RTTN: variants seen among roughly 807,000 people sequenced by gnomAD.
RTTN encodes rotatin.
RTTN carries 182 observed loss-of-function variants against 269.2 expected under a neutral mutation model. The ratio of observed to expected loss-of-function variants is 0.68; its 90% CI spans 0.60 to 0.76. RTTN has a LOEUF of 0.76. Ranked by LOEUF, RTTN falls within the 30% of genes least tolerant of loss-of-function variation. The probability of loss-of-function intolerance (pLI) is 0.00; values close to 1 mark genes in which losing one functional copy is unlikely to be tolerated. For synonymous variants in RTTN, 1,006 were observed against 963.5 expected (o/e 1.04, Z -0.82); for missense variants, 2,545 against 2,608.6 (o/e 0.98, Z 0.53).
intron 34 of RTTN, among the ~76,000 whole-genome samples, chr18:70,072,529 CA>C (rs1277593828): frequency 1.3e-5 from 2 of 151,920 alleles, no homozygotes; most frequent in African/African-American, 2.4e-5. Context: ...TAGAGAAATT[CA>C]AAAGGTTGAT....
intron 45 of RTTN, among the ~76,000 whole-genome samples, chr18:70,020,239 C>G (rs2056662732): frequency 6.6e-6 from 1 of 152,106 alleles, no homozygotes; most frequent in South Asian, 2.1e-4. Context: ...ACCATTTTGT[C>G]AATGAAATTA....
Position 70,204,257 on chromosome 18 carries a change from G to A in RTTN, c.226C>T (p.Pro76Ser). The A allele has an allele frequency of 1.2e-6, 2 of 1,603,994 alleles. No individual in the cohort carries two copies. The highest frequency in any genetic ancestry group is 2.3e-5 in the South Asian group (2 of 88,444). Residue 76 changes from proline to serine, a missense_variant, in exon 3 of 49, where the codon CCA (proline) becomes TCA (serine). By Grantham distance (74) the Pro-to-Ser change is moderately conservative (BLOSUM62 -1). Coordinates refer to ENST00000640769, the MANE Select transcript of RTTN (RefSeq NM_173630.4). ...NLLSRLVKYPPAVQHLVDVGA... is the reference protein window; with the variant it reads ...NLLSRLVKYPSAVQHLVDVGA... ...ACGTCAACCAAATGTTGGACTGCTG[G>A]GGGATACTAAAATAAGAAGAGGATG...
chr18:70,109,952 C>T (rs561916565), intron 27 of RTTN, among the ~76,000 whole-genome samples: 2 of 152,264 alleles, frequency 1.3e-5, no homozygotes, highest in East Asian at 1.9e-4. Context: ...GGGGCTGTGG[C>T]TCACCCCTAT....
intron 40 of RTTN, among the ~76,000 whole-genome samples, chr18:70,041,999 G>C (rs1168311503): frequency 6.6e-6 from 1 of 152,038 alleles, no homozygotes; most frequent in Non-Finnish European, 1.5e-5. Context: ...AATCTGCTTT[G>C]AGTTTCCCAG....
chr18:70,070,473 G>T (rs1568330458), intron 34 of RTTN, among the ~76,000 whole-genome samples: 1 of 152,098 alleles, frequency 6.6e-6, no homozygotes, highest in Non-Finnish European at 1.5e-5. Flanking sequence ...AAGCCTCTTG[G>T]ATCCATCCCT....
chr18:70,062,392 T>G (rs2058013802), intron 35 of RTTN, among the ~76,000 whole-genome samples: 1 of 151,632 alleles, frequency 6.6e-6, no homozygotes. Flanking sequence ...CTCCCACCCA[T>G]TCTCATAATT....
chr18:70,168,422 A>G (rs1568499914), intron 12 of RTTN, among the ~76,000 whole-genome samples: 1 of 152,326 alleles, frequency 6.6e-6, no homozygotes, highest in East Asian at 1.9e-4. Flanking sequence ...TACTTAATAT[A>G]TTTCAAAAAT....
intron 35 of RTTN, among the ~76,000 whole-genome samples, chr18:70,065,593 G>A (rs1031208809): frequency 2.6e-5 from 4 of 152,082 alleles, no homozygotes; most frequent in Admixed American, 6.6e-5. Context: ...ACCTACGAGC[G>A]CCTAATAAGG....
At chr18:70,176,456 C>G (rs1443238014) in intron 11 of RTTN, among the ~76,000 whole-genome samples, 1 of 152,040 alleles carries the variant, frequency 6.6e-6, no homozygotes, top group African/African-American at 2.4e-5. Flanking sequence ...AGCAACAGCA[C>G]GATTAAAAAA....
intron 8 of RTTN, among the ~76,000 whole-genome samples, chr18:70,191,223 T>G (rs770512038): frequency 6.6e-6 from 1 of 151,132 alleles, no homozygotes; most frequent in South Asian, 2.1e-4. Flanking sequence ...AAATTGTAAA[T>G]GAAGCCAAAA....
chr18:70,171,104 G>A (rs542807084), intron 11 of RTTN, among the ~76,000 whole-genome samples: 7 of 152,320 alleles, frequency 4.6e-5, no homozygotes, highest in African/African-American at 7.2e-5. Flanking sequence ...ATACAGGTAA[G>A]TTCAGAGTTC....
Position 70,148,909 on chromosome 18 carries a change from T to C in RTTN, c.2301A>G (p.Lys767=). The C allele has an allele frequency of 6.2e-7, 1 of 1,613,478 alleles. No homozygotes were observed. Among genetic ancestry groups the C allele is most frequent in the Non-Finnish European group, 8.5e-7 (1 of 1,179,528 alleles). ...GATTACGTTGTACTCACGATGGCTT[T>C]TTCACTAGCAAAAGTCGCAGCATGG... The part of the protein sequence containing the change: ...LKSMLRLLLV[K]KPSVRSLALK... Residue 767 remains lysine (K), a synonymous_variant, in exon 17 of 49, where the codon AAA becomes AAG. Transcript: ENST00000640769.
rs1173280936 is a variant in RTTN, at chr18:70,048,042, C to T, written c.5470G>A (p.Val1824Met). ...SKTHLCCSPTVASLLDDSQEN... is the reference protein window; with the variant it reads ...SKTHLCCSPTMASLLDDSQEN... The stretch of plus-strand genomic sequence containing the variant: ...TGAGAGTCATCAAGAAGTGAAGCCA[C>T]TGTTGGACTACAGCATAAATGTGTT... Residue 1824 changes from valine (V) to methionine (M), a missense_variant, in exon 40 of 49, where the codon GTG (valine) becomes ATG (methionine). Transcript: ENST00000640769. The T allele has an allele frequency of 2.5e-6, 4 of 1,613,948 alleles. No individual in the cohort carries two copies. Among genetic ancestry groups the T allele is most frequent in the Non-Finnish European group, 3.4e-6 (4 of 1,179,920 alleles).
chr18:70,048,902 AATG>A (rs1278520278), intron 39 of RTTN, among the ~76,000 whole-genome samples: 2 of 152,154 alleles, frequency 1.3e-5, no homozygotes, highest in Non-Finnish European at 2.9e-5. Context: ...TGGCAAAAAA[AATG>A]ATAATTGTTA....
chr18:70,088,026 A>C lies in RTTN; in HGVS notation c.4265T>G (p.Leu1422Arg). Residue 1422 changes from leucine (L) to arginine (R), a missense_variant, in exon 31 of 49, where the codon CTT becomes CGT. By Grantham distance (102) the Leu-to-Arg change is moderately radical. Coordinates refer to ENST00000640769, the MANE Select transcript of RTTN (RefSeq NM_173630.4). ...CATACTACATTCTGACTGGTCCAGAAGAATGTTCACCACAGTTCCCCAGAG... is the reference window on the plus strand; with the variant it reads ...CATACTACATTCTGACTGGTCCAGACGAATGTTCACCACAGTTCCCCAGAG... ...GGLWGTVVNI[L>R]LDQSECSMVR... The C allele has an allele frequency of 6.2e-7, 1 of 1,613,890 alleles. No homozygotes were observed. Among genetic ancestry groups the C allele is most frequent in the African/African-American group, 1.3e-5 (1 of 75,034 alleles).
intron 26 of RTTN, among the ~76,000 whole-genome samples, chr18:70,117,075 A>C (rs1016483454): frequency 2.6e-5 from 4 of 152,120 alleles, no homozygotes; most frequent in African/African-American, 9.7e-5. Context: ...GATAAAACAC[A>C]TGGAAAAAAA....
At chr18:70,009,704 T>C (rs1482694495) in intron 46 of RTTN, among the ~76,000 whole-genome samples, 1 of 152,196 alleles carries the variant, frequency 6.6e-6, no homozygotes, top group Non-Finnish European at 1.5e-5. Flanking sequence ...AGCATCATAA[T>C]GACAGGATCA....
At chr18:70,151,368 G>C (rs974668080) in intron 14 of RTTN, among the ~76,000 whole-genome samples, 1 of 151,392 alleles carries the variant, frequency 6.6e-6, no homozygotes, top group Admixed American at 6.6e-5. Context: ...ATATGTGATA[G>C]AGAATAGTAT....
chr18:70,063,817 AAGG>A (rs1191762378), intron 35 of RTTN, among the ~76,000 whole-genome samples: 2 of 152,066 alleles, frequency 1.3e-5, no homozygotes, highest in Admixed American at 6.5e-5. Context: ...TTGTAAAACT[AAGG>A]AGGACATTTG....
Sources: gnomAD v4.1 joint callset for allele counts (sites outside exome capture counted in the v4.1 genomes callset) on GRCh38, gnomAD v4.1.1 for gene constraint, MANE v1.5 for transcripts, NCBI Gene and HGNC (gene_info 2026-07-23, HGNC 2026-07-21) for gene names.